RPRD1B: variants seen among roughly 807,000 people sequenced by gnomAD.
RPRD1B encodes regulation of nuclear pre-mRNA domain-containing protein 1B.
Under a neutral mutation model 41.5 loss-of-function variants are expected in RPRD1B, and 11 were observed. The observed-to-expected ratio is 0.27, with a 90% CI of 0.17 to 0.44. The LOEUF (loss-of-function observed/expected upper bound fraction) is 0.44. Among genes scored for constraint, RPRD1B ranks in the 20% least tolerant of loss-of-function variants. RPRD1B has a pLI of 1.00. For missense variants in RPRD1B, 248 were observed against 389.9 expected, an observed-to-expected ratio of 0.64 and a Z score of 3.06; for synonymous variants, 158 against 155.6, an observed-to-expected ratio of 1.02 and a Z score of -0.12.
intron 6 of RPRD1B, among the ~76,000 whole-genome samples, chr20:38,084,452 G>T (rs1239980659): frequency 6.6e-6 from 1 of 152,114 alleles, no homozygotes; most frequent in Non-Finnish European, 1.5e-5. Context: ...TTTGATCGTT[G>T]TTTCTTAGAT....
intron 2 of RPRD1B, 57 bp downstream of exon 2, chr20:38,040,621 G>T: frequency 1.9e-6 from 3 of 1,552,902 alleles, no homozygotes; most frequent in Non-Finnish European, 1.7e-6. Context: ...CCACCTTTTT[G>T]TTCTTTCCTT....
At chr20:38,070,749 T>C in intron 6 of RPRD1B, 1 of 982,844 alleles carries the variant, frequency 1.0e-6, no homozygotes, top group Non-Finnish European at 1.2e-6. Context: ...TTTTTTTTTT[T>C]TTTTTTTTGA....
At chr20:38,040,241 C>T (rs1385444352) in intron 1 of RPRD1B, among the ~76,000 whole-genome samples, 194 bp from the exon 2 acceptor site, 1 of 102,408 alleles carries the variant, frequency 9.8e-6, no homozygotes. Context: ...CATTCTTTTT[C>T]TTTTTCTTTT....
At chr20:38,060,039 C>T (rs1332675640) in intron 5 of RPRD1B, among the ~76,000 whole-genome samples, 1 of 152,188 alleles carries the variant, frequency 6.6e-6, no homozygotes, top group East Asian at 1.9e-4. Flanking sequence ...GACACGATTC[C>T]TGCTTTCCTT....
At chr20:38,049,586 T>G (rs1341307836) in intron 3 of RPRD1B, among the ~76,000 whole-genome samples, 1 of 151,866 alleles carries the variant, frequency 6.6e-6, no homozygotes. Flanking sequence ...GCCAGGCTGG[T>G]CTTGAACTCC....
chr20:38,066,812 C>T (rs1441123771), intron 6 of RPRD1B, among the ~76,000 whole-genome samples: 2 of 152,120 alleles, frequency 1.3e-5, no homozygotes, highest in African/African-American at 2.4e-5. Flanking sequence ...TCCACCACCA[C>T]GCCTGGCTAA....
intron 6 of RPRD1B, among the ~76,000 whole-genome samples, chr20:38,087,502 GT>G (rs986320173): frequency 2.6e-5 from 4 of 152,184 alleles, no homozygotes; most frequent in Non-Finnish European, 5.9e-5. Flanking sequence ...AGAGTGGTTG[GT>G]TCTGAGTCGA....
intron 2 of RPRD1B, among the ~76,000 whole-genome samples, chr20:38,042,716 A>AGTAGGAGT (rs1450953776): frequency 3.3e-5 from 5 of 152,312 alleles, no homozygotes; most frequent in Admixed American, 3.3e-4. Flanking sequence ...GCTCGTCCAC[A>AGTAGGAGT]GTAGGAGTAG....
chr20:38,040,099 G>C (rs919534815), intron 1 of RPRD1B, among the ~76,000 whole-genome samples: 1 of 152,130 alleles, frequency 6.6e-6, no homozygotes, highest in Non-Finnish European at 1.5e-5. Context: ...CATTTTTGCA[G>C]TAGAATAAAT....
intron 2 of RPRD1B, among the ~76,000 whole-genome samples, chr20:38,045,730 A>G (rs1405963730): frequency 1.3e-5 from 2 of 152,208 alleles, no homozygotes; most frequent in Non-Finnish European, 2.9e-5. Context: ...CTTGATAAGA[A>G]TTTATTCTCG....
chr20:38,069,197 C>T (rs1028048750), intron 6 of RPRD1B, among the ~76,000 whole-genome samples: 1 of 152,026 alleles, frequency 6.6e-6, no homozygotes. Flanking sequence ...TCCTGCATGT[C>T]AGGATAGGGC....
Position 38,090,402 on chromosome 20 carries a change from A to C in RPRD1B, c.*527A>C, listed in dbSNP as rs936927311. The stretch of plus-strand genomic sequence containing the variant: ...TAGCGTTGCCATAAAGAGTTTGCCA[A>C]ATCTCTGATCCTCCCTTTCCATTGC... On this transcript the variant is annotated 3_prime_UTR_variant, in exon 7 of 7. Transcript: ENST00000373433. 3 of 986,012 alleles carry C rather than the reference A, an allele frequency of 3.0e-6. No individual in the cohort carries two copies. Among genetic ancestry groups the C allele is most frequent in the Non-Finnish European group, 3.6e-6 (3 of 830,152 alleles). The allele number at this position is 986,012 out of a possible 1,614,324, so 61.1% of individuals were successfully genotyped here.
chr20:38,070,816 C>T, intron 6 of RPRD1B: 1 of 805,020 alleles, frequency 1.2e-6, no homozygotes, highest in Non-Finnish European at 1.5e-6. Flanking sequence ...TCTGAGCTCA[C>T]TGCCTCCCGG....
intron 2 of RPRD1B, among the ~76,000 whole-genome samples, chr20:38,041,559 T>G (rs1371148817): frequency 1.3e-5 from 2 of 152,162 alleles, no homozygotes; most frequent in African/African-American, 2.4e-5. Context: ...AATGTGTTAT[T>G]AACTTGAAAA....
intron 5 of RPRD1B, among the ~76,000 whole-genome samples, chr20:38,063,711 A>G (rs2074324294): frequency 6.6e-6 from 1 of 152,166 alleles, no homozygotes; most frequent in African/African-American, 2.4e-5. Flanking sequence ...TCTTTGAGGA[A>G]ACGAGGGAAT....
At chr20:38,089,313 A>C (rs998083007) in intron 6 of RPRD1B, among the ~76,000 whole-genome samples, 1 of 152,276 alleles carries the variant, frequency 6.6e-6, no homozygotes, top group East Asian at 1.9e-4. Flanking sequence ...GCTTTAACAT[A>C]GGAAGTATAA....
intron 5 of RPRD1B, among the ~76,000 whole-genome samples, chr20:38,064,150 T>C (rs541710086): frequency 6.6e-6 from 1 of 152,314 alleles, no homozygotes; most frequent in East Asian, 1.9e-4. Context: ...GGCGGTCCTT[T>C]ATCCTCTGTG....
At chr20:38,070,595 G>A (rs541746381) in intron 6 of RPRD1B, 19 of 985,454 alleles carry the variant, frequency 1.9e-5, no homozygotes, top group Middle Eastern at 5.2e-4. Context: ...TCTTGTCAGC[G>A]TGAATAAAGC....
chr20:38,047,257 CTGAT>C (rs1465814094), intron 2 of RPRD1B, among the ~76,000 whole-genome samples: 6 of 152,186 alleles, frequency 3.9e-5, no homozygotes, highest in African/African-American at 1.2e-4. Flanking sequence ...TTTATGTACT[CTGAT>C]TGAGTCCTTT....
Sources: gnomAD v4.1 joint callset for allele counts (sites outside exome capture counted in the v4.1 genomes callset) on GRCh38, gnomAD v4.1.1 for gene constraint, MANE v1.5 for transcripts, NCBI Gene and HGNC (gene_info 2026-07-23, HGNC 2026-07-21) for gene names.